Variants in KIRREL3 observed in about 807,000 individuals in gnomAD.
KIRREL3 encodes kirre like nephrin family adhesion molecule 3.
KIRREL3 carries 36 observed loss-of-function variants against 89.7 expected under a neutral mutation model. That is an observed-to-expected ratio of 0.40 (90% confidence interval 0.31 to 0.53). The LOEUF is 0.53. Ranked by LOEUF, KIRREL3 falls within the 20% of genes least tolerant of loss-of-function variation. The pLI is 0.49. For synonymous variants in KIRREL3, 445 were observed against 441.4 expected (o/e 1.01, Z -0.10); for missense variants, 864 against 1,056.6 (o/e 0.82, Z 2.53).
chr11:126,932,862 T>C (rs1948011489), intron 1 of KIRREL3, among the ~76,000 whole-genome samples: 1 of 152,248 alleles, frequency 6.6e-6, no homozygotes, highest in Non-Finnish European at 1.5e-5. Flanking sequence ...TAATAATTTA[T>C]TAATAATCAA....
Position 126,948,727 on chromosome 11 carries a change from G to A in KIRREL3, c.55+51728C>T, listed in dbSNP as rs773241835. Among the ~76,000 whole-genome samples the A allele has an allele frequency of 1.8e-4, 28 of 152,136 alleles. No individual in the cohort carries two copies. Among genetic ancestry groups the A allele is most frequent in the African/African-American group, 5.6e-4 (23 of 41,418 alleles). Reference sequence around the variant, plus strand: ...TGGATGGAAATACAAGGTGACTGACGCCATCCATAGGGTAAACAAAGTGGT... The same window carrying A: ...TGGATGGAAATACAAGGTGACTGACACCATCCATAGGGTAAACAAAGTGGT... On this transcript the variant is annotated intron_variant, in intron 1 of 16. Coordinates refer to ENST00000525144, the MANE Select transcript of KIRREL3 (RefSeq NM_032531.4). This position sits in a 1 kb window ranked among gnomAD's most constrained non-coding sequence, Gnocchi z 4.5.
intron 1 of KIRREL3, among the ~76,000 whole-genome samples, chr11:126,758,066 G>A (rs1338568509): frequency 6.6e-6 from 1 of 152,214 alleles, no homozygotes; most frequent in Non-Finnish European, 1.5e-5. Flanking sequence ...GACTTCCAGT[G>A]TCGCCATGTA....
intron 1 of KIRREL3, among the ~76,000 whole-genome samples, chr11:126,581,871 A>C (rs1022489291): frequency 6.6e-6 from 1 of 152,162 alleles, no homozygotes; most frequent in African/African-American, 2.4e-5. Context: ...TGGAAGGGAC[A>C]AGGGGAAGGT....
chr11:127,000,818 A>T, upstream of KIRREL3: 1 of 476,892 alleles, frequency 2.1e-6, no homozygotes, highest in Non-Finnish European at 3.7e-6. The surrounding 1 kb of genome is among the most constrained non-coding windows in gnomAD (Gnocchi z 7.1). Flanking sequence ...GGCTCCTCCC[A>T]CAGTGAGCGA....
rs950698132 is a variant in KIRREL3 at position 126,453,195 on chromosome 11, AG to A, written c.848+3153del. Among the ~76,000 whole-genome samples, 10 of 152,102 alleles carry A rather than the reference AG, an allele frequency of 6.6e-5. 1 individual carries two copies. The highest frequency in any genetic ancestry group is 2.2e-4 in the African/African-American group (9 of 41,418). Reference sequence around the variant, plus strand: ...GATTAATTATTTATATCACAGAATCAGGGGGGCTGGCGTGTCACAGCCGCCA... The same window carrying A: ...GATTAATTATTTATATCACAGAATCAGGGGGCTGGCGTGTCACAGCCGCCA... On this transcript the variant is annotated intron_variant, in intron 7 of 16. Transcript: ENST00000525144.
At position 126,498,203 on chromosome 11, in the gene KIRREL3, G is replaced by A. The variant is rs1591636944; in HGVS notation, c.433+23112C>T. Reference sequence around the variant, plus strand: ...CATCAAACCCCTAAAACCCGAGGAGGGGAAGAGAGGGGTAGCACAAAAGAG... The same window carrying A: ...CATCAAACCCCTAAAACCCGAGGAGAGGAAGAGAGGGGTAGCACAAAAGAG... On this transcript the variant is annotated intron_variant, in intron 4 of 16. Transcript: ENST00000525144. This position sits in a 1 kb window ranked among gnomAD's most constrained non-coding sequence, Gnocchi z 4.3. Among the ~76,000 whole-genome samples, 1 of 152,196 alleles carries A rather than the reference G, an allele frequency of 6.6e-6. No homozygotes were observed. Among genetic ancestry groups the A allele is most frequent in the Non-Finnish European group, 1.5e-5 (1 of 68,034 alleles).
At chr11:126,865,136 G>C (rs1431944651) in intron 1 of KIRREL3, among the ~76,000 whole-genome samples, 1 of 152,172 alleles carries the variant, frequency 6.6e-6, no homozygotes, top group African/African-American at 2.4e-5. Context: ...TTTCTCTTCT[G>C]CCCCTGGGCC....
chr11:127,003,366 G>A (rs1346439037), upstream of KIRREL3: 2 of 153,258 alleles, frequency 1.3e-5, no homozygotes, highest in South Asian at 4.1e-4. Context: ...TTAGCCTCCT[G>A]GCGCTGCAAG....
At position 126,978,644 on chromosome 11, in the gene KIRREL3, C is replaced by T. The variant is rs948898076; in HGVS notation, c.55+21811G>A. Among the ~76,000 whole-genome samples the T allele has an allele frequency of 3.3e-5, 5 of 152,152 alleles. No homozygotes were observed. Among genetic ancestry groups the T allele is most frequent in the African/African-American group, 4.8e-5 (2 of 41,426 alleles). On this transcript the variant is annotated intron_variant, in intron 1 of 16. Coordinates refer to ENST00000525144, the MANE Select transcript of KIRREL3 (RefSeq NM_032531.4). The surrounding 1 kb of genome is among the most constrained non-coding windows in gnomAD (Gnocchi z 4.2). ...CTCCCATGCTTCCCAGGCTTTAGCA[C>T]CTGCTACTCCCTCTTCTCCTCATCC...
At position 126,462,060 on chromosome 11, in the gene KIRREL3, C is replaced by T. The variant is rs865860587; in HGVS notation, c.742+1097G>A. Among the ~76,000 whole-genome samples the T allele has an allele frequency of 6.6e-6, 1 of 152,148 alleles. No homozygotes were observed. Among genetic ancestry groups the T allele is most frequent in the African/African-American group, 2.4e-5 (1 of 41,420 alleles). ...TCTTGAGAGGAAGGCCCCTGGAACACCTTGCTGAGCTCTTCTTGGTTCTGG... is the reference window on the plus strand; with the variant it reads ...TCTTGAGAGGAAGGCCCCTGGAACATCTTGCTGAGCTCTTCTTGGTTCTGG... On this transcript the variant is annotated intron_variant, in intron 6 of 16. Coordinates refer to ENST00000525144, the MANE Select transcript of KIRREL3 (RefSeq NM_032531.4). The surrounding 1 kb of genome is among the most constrained non-coding windows in gnomAD (Gnocchi z 4.8).
chr11:126,598,532 T>C (rs1942502494), intron 1 of KIRREL3, among the ~76,000 whole-genome samples: 1 of 152,140 alleles, frequency 6.6e-6, no homozygotes, highest in Admixed American at 6.5e-5. Context: ...CTGCCTGAAA[T>C]GTGGGGCTGA....
chr11:126,968,727 C>A (rs1297248458), intron 1 of KIRREL3, among the ~76,000 whole-genome samples: 1 of 152,120 alleles, frequency 6.6e-6, no homozygotes, highest in Admixed American at 6.5e-5. Context: ...ACACGGCAGC[C>A]CCTTTTGGTC....
intron 1 of KIRREL3, among the ~76,000 whole-genome samples, chr11:126,960,668 A>C (rs1949057988): frequency 6.6e-6 from 1 of 152,244 alleles, no homozygotes; most frequent in Admixed American, 6.5e-5. Flanking sequence ...CAAAAAATTC[A>C]GATTTTGTAG....
intron 1 of KIRREL3, among the ~76,000 whole-genome samples, chr11:126,597,813 G>T (rs999284180): frequency 6.6e-6 from 1 of 152,174 alleles, no homozygotes; most frequent in African/African-American, 2.4e-5. Flanking sequence ...GTATGCAATT[G>T]GTCACCATCC....
chr11:126,701,367 TTG>T (rs1947307241), intron 1 of KIRREL3, among the ~76,000 whole-genome samples: 1 of 152,060 alleles, frequency 6.6e-6, no homozygotes, highest in African/African-American at 2.4e-5. Flanking sequence ...TCTCTCAGTC[TTG>T]GTGAGAGAGG....
chr11:126,718,220 C>A (rs1299618521), intron 1 of KIRREL3, among the ~76,000 whole-genome samples: 1 of 152,174 alleles, frequency 6.6e-6, no homozygotes, highest in African/African-American at 2.4e-5. Context: ...CAGGCGGGCC[C>A]ACCCAGAACT....
At chr11:126,775,703 C>A (rs563793811) in intron 1 of KIRREL3, among the ~76,000 whole-genome samples, 3 of 152,290 alleles carry the variant, frequency 2.0e-5, no homozygotes, top group African/African-American at 7.2e-5. Context: ...TGGGAATTAT[C>A]TTATGTATGT....
In KIRREL3 at chr11:126,954,745, G is replaced by A. The variant is rs1948874648; in HGVS notation, c.55+45710C>T. 1.3e-5 allele frequency among the ~76,000 whole-genome samples: 2 copies of A among 152,146 alleles called. No homozygotes were observed. The highest frequency in any genetic ancestry group is 2.4e-5 in the African/African-American group (1 of 41,434). On this transcript the variant is annotated intron_variant, in intron 1 of 16. Coordinates refer to ENST00000525144, the MANE Select transcript of KIRREL3 (RefSeq NM_032531.4). This position sits in a 1 kb window ranked among gnomAD's most constrained non-coding sequence, Gnocchi z 4.1. ...ATATATTGAGTTCCTACCGTGGTAG[G>A]CTTCATCCCTGTAGATGGCCTGGCT...
At chr11:126,638,026 C>T (rs1944331751) in intron 1 of KIRREL3, among the ~76,000 whole-genome samples, 1 of 152,180 alleles carries the variant, frequency 6.6e-6, no homozygotes. Flanking sequence ...GCAGAGTTTG[C>T]TTTCATTGGT....
Sources: allele counts gnomAD v4.1 joint callset (sites outside exome capture counted in the v4.1 genomes callset), GRCh38; gene constraint gnomAD v4.1.1; non-coding constraint Gnocchi (gnomAD v3.1); transcripts MANE v1.5; gene names NCBI Gene and HGNC (gene_info 2026-07-23, HGNC 2026-07-21).